The following DSCAM variants were observed in gnomAD, a reference collection of about 807,000 sequenced individuals.
The protein encoded by DSCAM is DS cell adhesion molecule, also known as cell adhesion molecule DSCAM.
Under a neutral mutation model 217.7 loss-of-function variants are expected in DSCAM, and 47 were observed. The ratio of observed to expected loss-of-function variants is 0.22; its 90% confidence interval spans 0.17 to 0.28. DSCAM has a LOEUF of 0.28. Ranked by LOEUF, DSCAM falls within the 10% of genes least tolerant of loss-of-function variation. The pLI, the probability that DSCAM is intolerant of heterozygous loss-of-function variation, is 1.00. For missense variants in DSCAM, 2,080 were observed against 2,618.3 expected (o/e 0.79, Z 4.49); for synonymous variants, 1,056 against 1,015.3 (o/e 1.04, Z -0.76).
intron 29 of DSCAM, among the ~76,000 whole-genome samples, chr21:40,055,447 A>C (rs920171324): frequency 6.6e-6 from 1 of 152,178 alleles, no homozygotes; most frequent in Admixed American, 6.5e-5. Flanking sequence ...CCTCCCCTGG[A>C]AAGATCCCAA....
intron 6 of DSCAM, among the ~76,000 whole-genome samples, chr21:40,341,972 T>C (rs1344655475): frequency 6.6e-6 from 1 of 152,194 alleles, no homozygotes. Context: ...TTGTAGTCAG[T>C]TGCTGAAATT....
At chr21:40,746,687 C>T (rs772922968) in intron 1 of DSCAM, among the ~76,000 whole-genome samples, 5 of 151,802 alleles carry the variant, frequency 3.3e-5, no homozygotes, top group African/African-American at 7.2e-5. Context: ...AACAAAGAGA[C>T]GTTGGATTTA....
chr21:40,662,665 T>C, intron 3 of DSCAM, among the ~76,000 whole-genome samples: 1 of 152,132 alleles, frequency 6.6e-6, no homozygotes, highest in Middle Eastern at 3.2e-3. Flanking sequence ...CATGATGCTA[T>C]GGGAGGTGGG....
chr21:40,615,182 T>C (rs2089372491), intron 3 of DSCAM, among the ~76,000 whole-genome samples: 2 of 145,082 alleles, frequency 1.4e-5, no homozygotes, highest in Non-Finnish European at 1.5e-5. Context: ...CACACACCTG[T>C]AAACCCAGGA....
At chr21:40,368,942 T>C (rs945328633) in intron 4 of DSCAM, among the ~76,000 whole-genome samples, 157 bp downstream of exon 4, 4 of 152,250 alleles carry the variant, frequency 2.6e-5, no homozygotes, top group Admixed American at 1.3e-4. Flanking sequence ...ATTGTACTCA[T>C]ATTCATTTAA....
intron 20 of DSCAM, among the ~76,000 whole-genome samples, chr21:40,096,446 C>T (rs534664775): frequency 3.3e-5 from 5 of 152,150 alleles, no homozygotes; most frequent in African/African-American, 9.6e-5. Context: ...TGACTGAGAC[C>T]TGTCTCAGAT....
intron 3 of DSCAM, among the ~76,000 whole-genome samples, chr21:40,590,757 A>G (rs999664655): frequency 1.3e-5 from 2 of 152,140 alleles, no homozygotes; most frequent in Admixed American, 6.5e-5. Flanking sequence ...TACCAATATT[A>G]TCCTCCTCAT....
chr21:40,537,042 C>T (rs1325019842), intron 3 of DSCAM, among the ~76,000 whole-genome samples: 2 of 152,120 alleles, frequency 1.3e-5, no homozygotes, highest in Admixed American at 6.5e-5. Flanking sequence ...TTTTCTACTC[C>T]CATTTCAGGT....
intron 3 of DSCAM, among the ~76,000 whole-genome samples, chr21:40,631,252 A>AGTGCAGC (rs2089687750): frequency 6.6e-6 from 1 of 151,816 alleles, no homozygotes; most frequent in Non-Finnish European, 1.5e-5. Context: ...GCCCCATGTC[A>AGTGCAGC]TTTGTCTTCT....
intron 18 of DSCAM, among the ~76,000 whole-genome samples, chr21:40,135,766 G>T (rs144025071): frequency 6.6e-6 from 1 of 152,224 alleles, no homozygotes; most frequent in Non-Finnish European, 1.5e-5. Flanking sequence ...TTGTGATTAC[G>T]ATGACTGTGG....
intron 3 of DSCAM, among the ~76,000 whole-genome samples, chr21:40,642,273 G>A (rs2089891915): frequency 6.6e-6 from 1 of 152,130 alleles, no homozygotes; most frequent in South Asian, 2.1e-4. Context: ...GCAGGTGCTA[G>A]TCTAAAGAAT....
At chr21:40,469,134 T>C (rs996079862) in intron 3 of DSCAM, among the ~76,000 whole-genome samples, 8 of 152,148 alleles carry the variant, frequency 5.3e-5, no homozygotes, top group Admixed American at 3.3e-4. Context: ...ATCAGAACTA[T>C]AACAACCCCT....
chr21:40,795,568 T>A (rs1336486200), intron 1 of DSCAM, among the ~76,000 whole-genome samples: 1 of 152,174 alleles, frequency 6.6e-6, no homozygotes, highest in Admixed American at 6.5e-5. Flanking sequence ...CATTAAATAG[T>A]AACCACACTT....
intron 3 of DSCAM, among the ~76,000 whole-genome samples, chr21:40,479,095 G>C (rs1047527092): frequency 1.3e-5 from 2 of 152,152 alleles, no homozygotes; most frequent in African/African-American, 2.4e-5. Context: ...TATGTGCCAG[G>C]TGCTGTGCTA....
chr21:40,478,729 A>G (rs559249300), intron 3 of DSCAM, among the ~76,000 whole-genome samples: 10 of 152,196 alleles, frequency 6.6e-5, no homozygotes, highest in Non-Finnish European at 1.2e-4. Flanking sequence ...AAAATAACAA[A>G]TACAGTAGCC....
chr21:40,644,472 T>C (rs560612043), intron 3 of DSCAM, among the ~76,000 whole-genome samples: 1 of 152,282 alleles, frequency 6.6e-6, no homozygotes, highest in African/African-American at 2.4e-5. Context: ...ACACAGGCCA[T>C]GCCCTCACTC....
chr21:40,160,849 G>A (rs908888952), intron 16 of DSCAM, among the ~76,000 whole-genome samples: 23 of 152,146 alleles, frequency 1.5e-4, no homozygotes, highest in Non-Finnish European at 1.2e-4. Context: ...CAGACTCAAC[G>A]TGAAACTCTT....
intron 1 of DSCAM, among the ~76,000 whole-genome samples, chr21:40,786,072 A>C (rs1030284014): frequency 2.6e-5 from 4 of 152,128 alleles, no homozygotes; most frequent in Admixed American, 2.6e-4. Context: ...CCCTGTCTCT[A>C]CCAAAAATAC....
At chr21:40,390,147 A>T (rs2075121082) in intron 3 of DSCAM, among the ~76,000 whole-genome samples, 2 of 152,196 alleles carry the variant, frequency 1.3e-5, no homozygotes, top group African/African-American at 4.8e-5. Flanking sequence ...GCCTCCTTTG[A>T]CTATGCTTGC....
Sources: gnomAD v4.1 joint callset for allele counts (sites outside exome capture counted in the v4.1 genomes callset) on GRCh38, gnomAD v4.1.1 for gene constraint, MANE v1.5 for transcripts, NCBI Gene and HGNC (gene_info 2026-07-23, HGNC 2026-07-21) for gene names.